Variants in DHX34 observed in about 807,000 individuals in gnomAD.
DHX34 encodes the protein probable ATP-dependent RNA helicase DHX34.
A neutral mutation model predicts 111.1 loss-of-function variants in DHX34; 96 were observed. That is an observed-to-expected ratio of 0.86 (90% CI 0.73 to 1.02). The LOEUF (loss-of-function observed/expected upper bound fraction) is 1.02, where lower values mean the gene tolerates loss of function less well. Ranked by LOEUF, DHX34 falls within the 50% of genes least tolerant of loss-of-function variation. DHX34 has a pLI of 0.00. For missense variants in DHX34, 1,560 were observed against 1,579.9 expected (o/e 0.99, Z 0.21); for synonymous variants, 688 against 670.4 (o/e 1.03, Z -0.41).
In DHX34 at chr19:47,355,102, G is replaced by C. The variant is rs572124461; in HGVS notation, c.769G>C (p.Val257Leu). ...GGCCACCAAGATTGTATTCCTGACA[G>C]TGGGGCTGCTCCTGCGACAAATCCA... ...SAATKIVFLTVGLLLRQIQRE... is the reference protein window; with the variant it reads ...SAATKIVFLTLGLLLRQIQRE... The change falls in exon 3 of 17, where the codon GTG becomes CTG. Residue 257 changes from valine (V) to leucine (L), a missense_variant. Transcript: ENST00000328771. 1 of 1,613,998 alleles carries C rather than the reference G, an allele frequency of 6.2e-7. No individual in the cohort carries two copies. The highest frequency in any genetic ancestry group is 8.5e-7 in the Non-Finnish European group (1 of 1,180,002).
rs766416052 is a variant in DHX34, at chr19:47,357,941, G to A, written c.1093G>A (p.Val365Met). ...EKLDPRPFLR[V>M]LESIDHKYPP... The stretch of plus-strand genomic sequence containing the variant: ...GCTGGACCCGCGGCCTTTCCTGAGG[G>A]TGCTGGAGTCCATTGACCACAAGTA... Residue 365 changes from valine (V) to methionine (M), a missense_variant, in exon 4 of 17, where the codon GTG (valine) becomes ATG (methionine). Val to Met is a conservative substitution (Grantham distance 21, BLOSUM62 1). Coordinates refer to ENST00000328771, the MANE Select transcript of DHX34 (RefSeq NM_014681.6). 18 of 1,613,916 alleles carry A rather than the reference G, an allele frequency of 1.1e-5. No individual in the cohort carries two copies. The South Asian group carries it at 1.9e-4, about 17-fold the overall frequency.
chr19:47,358,141 G>T (rs758479060), intron 4 of DHX34, 21 bp downstream of exon 4: 2 of 1,595,114 alleles, frequency 1.3e-6, no homozygotes, highest in East Asian at 2.3e-5. Flanking sequence ...AAGCCCGAGT[G>T]GGGCAGGCGG....
chr19:47,375,803 C>A, intron 10 of DHX34, 95 bp downstream of exon 10: 1 of 1,550,404 alleles, frequency 6.4e-7, no homozygotes, highest in Non-Finnish European at 8.7e-7. Context: ...GTCCTCATTT[C>A]AGGAGCCGGG....
intron 13 of DHX34, among the ~76,000 whole-genome samples, chr19:47,378,198 A>G (rs960594875): frequency 2.6e-5 from 4 of 152,082 alleles, no homozygotes; most frequent in Non-Finnish European, 5.9e-5. Flanking sequence ...TTTTGTTGAC[A>G]CTGCGATTGC....
Position 47,353,075 on chromosome 19 carries a change from C to G in DHX34, c.45C>G (p.His15Gln), listed in dbSNP as rs776002408. ...RTREGRDRRD[H>Q]HRAPSEEEAL... Reference sequence around the variant, plus strand: ...GGGAGGGCAGGGATCGCCGAGACCACCACCGGGCTCCCAGCGAGGAAGAGG... The same window carrying G: ...GGGAGGGCAGGGATCGCCGAGACCAGCACCGGGCTCCCAGCGAGGAAGAGG... The change falls in exon 2 of 17, where the codon CAC becomes CAG. Residue 15 changes from histidine (H) to glutamine (Q), a missense_variant. His to Gln is a conservative substitution (Grantham distance 24). Coordinates refer to ENST00000328771, the MANE Select transcript of DHX34 (RefSeq NM_014681.6). The surrounding 1 kb of genome is among the most constrained non-coding windows in gnomAD (Gnocchi z 4.6). 8 of 1,613,850 alleles carry G rather than the reference C, an allele frequency of 5.0e-6. No individual in the cohort carries two copies. The highest frequency in any genetic ancestry group is 2.5e-6 in the Non-Finnish European group (3 of 1,179,908).
chr19:47,353,049 A>G lies in DHX34; in HGVS notation c.19A>G (p.Arg7Gly). The G allele has an allele frequency of 6.2e-7, 1 of 1,612,662 alleles. No individual in the cohort carries two copies. The highest frequency in any genetic ancestry group is 8.5e-7 in the Non-Finnish European group (1 of 1,178,806). ...TAGTAACATGCCTCCTCCTAGAACA[A>G]GGGAGGGCAGGGATCGCCGAGACCA... MPPPRTREGRDRRDHHR... is the reference protein window; with the variant it reads MPPPRTGEGRDRRDHHR... The change falls in exon 2 of 17, where the codon AGG becomes GGG. Residue 7 changes from arginine (R) to glycine (G), a missense_variant. Coordinates refer to ENST00000328771, the MANE Select transcript of DHX34 (RefSeq NM_014681.6). This position sits in a 1 kb window ranked among gnomAD's most constrained non-coding sequence, Gnocchi z 4.6.
At chr19:47,379,551 C>T in intron 13 of DHX34, 159 bp from the exon 14 acceptor site, 1 of 983,892 alleles carries the variant, frequency 1.0e-6, no homozygotes, top group Non-Finnish European at 1.2e-6. Context: ...ATCCCCAGCA[C>T]CCGAAGGGGT....
intron 12 of DHX34, 123 bp downstream of exon 12, chr19:47,376,683 A>C: frequency 6.8e-7 from 1 of 1,461,290 alleles, no homozygotes; most frequent in Non-Finnish European, 9.1e-7. Flanking sequence ...ACGGGGGCCC[A>C]CAGGAGGGGA....
At chr19:47,360,685 T>TTGC (rs1293278870) in intron 5 of DHX34, among the ~76,000 whole-genome samples, 1 of 151,990 alleles carries the variant, frequency 6.6e-6, no homozygotes, top group Non-Finnish European at 1.5e-5. Context: ...GTTGTTGTTG[T>TTGC]TGTTGTTGTT....
In DHX34 at chr19:47,358,027, C is replaced by T. The variant is rs760888791; in HGVS notation, c.1179C>T (p.Ala393=). ...VFLSGMAEIS[A]VLEAAQTYAS... ...TCAGCGGCATGGCGGAGATCAGCGC[C>T]GTGCTGGAGGCTGCCCAGACCTATG... is the stretch of plus-strand genomic sequence containing the variant. The change falls in exon 4 of 17, where the codon GCC becomes GCT. Residue 393 remains alanine (A), a synonymous_variant. Transcript: ENST00000328771. 33 of 1,613,394 alleles carry T rather than the reference C, an allele frequency of 2.0e-5. No individual in the cohort carries two copies. The highest frequency in any genetic ancestry group is 1.2e-4 in the Admixed American group (7 of 60,014).
Position 47,358,026 on chromosome 19 carries a change from C to T in DHX34, c.1178C>T (p.Ala393Val). The change falls in exon 4 of 17, where the codon GCC becomes GTC. Residue 393 changes from alanine (A) to valine (V), a missense_variant. Physicochemically the swap from Ala to Val is moderately conservative, Grantham distance 64. Transcript: ENST00000328771. ...CTCAGCGGCATGGCGGAGATCAGCG[C>T]CGTGCTGGAGGCTGCCCAGACCTAT... Reference protein sequence around the residue: ...VFLSGMAEISAVLEAAQTYAS... With the variant: ...VFLSGMAEISVVLEAAQTYAS... 6.2e-7 allele frequency: 1 copy of T among 1,613,560 alleles called. No homozygotes were observed. The highest frequency in any genetic ancestry group is 8.5e-7 in the Non-Finnish European group (1 of 1,180,042).
intron 14 of DHX34, among the ~76,000 whole-genome samples, 174 bp downstream of exon 14, chr19:47,380,159 G>A (rs1001315236): frequency 6.6e-6 from 1 of 152,326 alleles, no homozygotes; most frequent in South Asian, 2.1e-4. Context: ...TCTGGGTGGA[G>A]CTAGGATTTG....
Position 47,353,644 on chromosome 19 carries a change from G to A in DHX34, c.614G>A (p.Ser205Asn). The A allele has an allele frequency of 2.5e-6, 4 of 1,613,184 alleles. No homozygotes were observed. The highest frequency in any genetic ancestry group is 1.3e-5 in the African/African-American group (1 of 75,060). Residue 205 changes from serine to asparagine, a missense_variant, in exon 2 of 17, where the codon AGT becomes AAT. Coordinates refer to ENST00000328771, the MANE Select transcript of DHX34 (RefSeq NM_014681.6). The surrounding 1 kb of genome is among the most constrained non-coding windows in gnomAD (Gnocchi z 4.6). ...CAGTACCTGCTGGCTGCTGGCTTCAGTCATGTGGCGTGCACCCAGCCCCGG... is the reference window on the plus strand; with the variant it reads ...CAGTACCTGCTGGCTGCTGGCTTCAATCATGTGGCGTGCACCCAGCCCCGG... ...VPQYLLAAGF[S>N]HVACTQPRRI...
At chr19:47,376,875 C>A in intron 12 of DHX34, 1 of 1,533,320 alleles carries the variant, frequency 6.5e-7, no homozygotes, top group East Asian at 2.4e-5. Context: ...GAGGGAGGCC[C>A]CCCTGGCACC....
In DHX34 at chr19:47,353,439, C is replaced by G; in HGVS notation, c.409C>G (p.Leu137Val). The G allele has an allele frequency of 6.2e-7, 1 of 1,614,206 alleles. No homozygotes were observed. The highest frequency in any genetic ancestry group is 8.5e-7 in the Non-Finnish European group (1 of 1,180,046). ...GAGAGTGGCTGAGTTCCGCCGAGCC[C>G]TGTTGCACTACCTGGACTTTGGCCA... ...AERVAEFRRA[L>V]LHYLDFGQKQ... The change falls in exon 2 of 17, where the codon CTG becomes GTG. Residue 137 changes from leucine (L) to valine (V), a missense_variant. Transcript: ENST00000328771. This position sits in a 1 kb window ranked among gnomAD's most constrained non-coding sequence, Gnocchi z 4.6.
In DHX34 at chr19:47,366,947, T is replaced by A; in HGVS notation, c.1594-34T>A. 4 of 1,520,386 alleles carry A rather than the reference T, an allele frequency of 2.6e-6. No homozygotes were observed. In the South Asian group the frequency reaches 5.2e-5, roughly 20 times the overall value. The allele number at this position is 1,520,386 out of a possible 1,614,324, so 94.2% of individuals were successfully genotyped here. ...CTGTGCTGCACAGTGGCTCTTGTGT[T>A]CCCCAATCTTGGGGGTTTTGCTTCT... On this transcript the variant is annotated intron_variant, in intron 6 of 16. Transcript: ENST00000328771.
intron 3 of DHX34, among the ~76,000 whole-genome samples, chr19:47,356,324 A>G (rs1296740823): frequency 6.6e-6 from 1 of 151,978 alleles, no homozygotes; most frequent in Non-Finnish European, 1.5e-5. Flanking sequence ...TTTGCCTTCT[A>G]AGCAGCCATA....
At chr19:47,374,125 G>A (rs997199860) in intron 9 of DHX34, among the ~76,000 whole-genome samples, 8 of 152,078 alleles carry the variant, frequency 5.3e-5, no homozygotes, top group African/African-American at 1.9e-4. Context: ...GCTTCCCCTC[G>A]ATAAAAAGAG....
At chr19:47,369,677 C>T (rs911565766) in intron 7 of DHX34, among the ~76,000 whole-genome samples, 1 of 152,076 alleles carries the variant, frequency 6.6e-6, no homozygotes, top group Admixed American at 6.6e-5. Flanking sequence ...AATTGGCTGT[C>T]CTGGGAGGCC....
Sources: allele counts gnomAD v4.1 joint callset (sites outside exome capture counted in the v4.1 genomes callset), GRCh38; gene constraint gnomAD v4.1.1; non-coding constraint Gnocchi (gnomAD v3.1); transcripts MANE v1.5; gene names NCBI Gene and HGNC (gene_info 2026-07-23, HGNC 2026-07-21).